The following SNTG1 variants were observed in gnomAD, a reference collection of about 807,000 sequenced individuals.
SNTG1 encodes syntrophin gamma 1, also known as gamma-1-syntrophin.
Under a neutral mutation model 74.7 loss-of-function variants are expected in SNTG1, and 39 were observed. That is an observed-to-expected ratio of 0.52 (90% CI 0.40 to 0.68). SNTG1 has a LOEUF of 0.68. SNTG1 is among the 30% of genes least tolerant of loss of function. SNTG1 has a pLI of 0.00. For missense variants in SNTG1, 685 were observed against 609.5 expected, an observed-to-expected ratio of 1.12 and a Z score of -1.30; for synonymous variants, 254 against 217.1, an observed-to-expected ratio of 1.17 and a Z score of -1.49.
intron 17 of SNTG1, among the ~76,000 whole-genome samples, chr8:50,737,417 A>G (rs142444687): frequency 0.021 from 3,198 of 152,222 alleles, 56 homozygotes; most frequent in Non-Finnish European, 0.033. Context: ...GTAGTAATTA[A>G]TAACCTACCA....
chr8:50,734,965 C>A lies in SNTG1; in HGVS notation c.1285-17036C>A, dbSNP rs56954288. On this transcript the variant is annotated intron_variant, in intron 17 of 18. Coordinates refer to ENST00000642720, the MANE Select transcript of SNTG1 (RefSeq NM_018967.5). The stretch of plus-strand genomic sequence containing the variant: ...TATATGGACATATATATCTATATAT[C>A]CATATATATCTATCCATATATATGT... 4.4e-4 allele frequency among the ~76,000 whole-genome samples: 26 copies of A among 58,850 alleles called. 3 individuals carry two copies. Among genetic ancestry groups the A allele is most frequent in the African/African-American group, 6.3e-4 (4 of 6,378 alleles). The allele number at this position is 58,850 out of a possible 152,430, so 38.6% of individuals were successfully genotyped here.
At chr8:50,349,033 C>G (rs982312889) in intron 2 of SNTG1, among the ~76,000 whole-genome samples, 5 of 152,172 alleles carry the variant, frequency 3.3e-5, no homozygotes, top group African/African-American at 7.2e-5. Context: ...CATTTTGTAT[C>G]TTCAAGAATA....
At chr8:50,271,949 G>A (rs537331695) in intron 2 of SNTG1, among the ~76,000 whole-genome samples, 1 of 152,112 alleles carries the variant, frequency 6.6e-6, no homozygotes, top group Non-Finnish European at 1.5e-5. Flanking sequence ...TCATAAAAGA[G>A]ACCCCAGGGA....
In SNTG1 at chr8:50,413,181, T is replaced by C. The variant is rs2092971016; in HGVS notation, c.162+10837T>C. Reference sequence around the variant, plus strand: ...GAATTTTTATAACATTAAATGTGAGTGTAAAGTTCAAGAGGGTTATGATCA... The same window carrying C: ...GAATTTTTATAACATTAAATGTGAGCGTAAAGTTCAAGAGGGTTATGATCA... On this transcript the variant is annotated intron_variant, in intron 4 of 18. Coordinates refer to ENST00000642720, the MANE Select transcript of SNTG1 (RefSeq NM_018967.5). 3.9e-5 allele frequency among the ~76,000 whole-genome samples: 6 copies of C among 152,146 alleles called. No homozygotes were observed. The South Asian group carries it at 1.2e-3, about 32-fold the overall frequency.
chr8:50,725,025 TATC>T (rs1223813291), intron 17 of SNTG1, among the ~76,000 whole-genome samples: 1 of 152,152 alleles, frequency 6.6e-6, no homozygotes, highest in Non-Finnish European at 1.5e-5. Context: ...GACAAATAAA[TATC>T]ATTCGGCTCA....
intron 12 of SNTG1, among the ~76,000 whole-genome samples, chr8:50,568,525 G>C (rs1286712939): frequency 6.6e-6 from 1 of 151,970 alleles, no homozygotes; most frequent in Non-Finnish European, 1.5e-5. Flanking sequence ...GATAAAAGCT[G>C]TTTTAACTGG....
intron 1 of SNTG1, among the ~76,000 whole-genome samples, chr8:50,063,091 A>G (rs946030856): frequency 1.3e-5 from 2 of 152,240 alleles, no homozygotes; most frequent in African/African-American, 4.8e-5. Context: ...GGATTGTCAC[A>G]TTGCCTTGCA....
intron 8 of SNTG1, among the ~76,000 whole-genome samples, chr8:50,484,128 CTTT>C (rs1563453317): frequency 4.4e-5 from 5 of 114,880 alleles, no homozygotes; most frequent in African/African-American, 1.4e-4. Flanking sequence ...TTCTTTCTTT[CTTT>C]CTTTCCTTCT....
intron 1 of SNTG1, among the ~76,000 whole-genome samples, chr8:50,143,186 T>A (rs751806696): frequency 6.6e-6 from 1 of 152,198 alleles, no homozygotes; most frequent in Non-Finnish European, 1.5e-5. Flanking sequence ...CCTGACAGAA[T>A]GTTCCATGTG....
intron 1 of SNTG1, among the ~76,000 whole-genome samples, chr8:50,016,697 A>T (rs1405351563): frequency 1.3e-5 from 2 of 152,186 alleles, no homozygotes; most frequent in Non-Finnish European, 2.9e-5. Context: ...TTTGTCTAAC[A>T]TAATTTCTGT....
At chr8:49,982,121 C>T (rs899243975) in intron 1 of SNTG1, among the ~76,000 whole-genome samples, 6 of 152,142 alleles carry the variant, frequency 3.9e-5, no homozygotes, top group African/African-American at 1.4e-4. Context: ...GTTAAAGATG[C>T]TTTCCTAGTT....
intron 12 of SNTG1, among the ~76,000 whole-genome samples, chr8:50,581,095 G>A (rs1366942169): frequency 6.6e-6 from 1 of 152,166 alleles, no homozygotes; most frequent in Non-Finnish European, 1.5e-5. Flanking sequence ...AACAATAGGT[G>A]CATATATAAT....
intron 1 of SNTG1, among the ~76,000 whole-genome samples, chr8:50,139,434 C>T (rs1421160116): frequency 6.6e-6 from 1 of 152,110 alleles, no homozygotes; most frequent in Non-Finnish European, 1.5e-5. Flanking sequence ...GGCTTTAACC[C>T]ATGTTGACTA....
At chr8:50,540,013 C>T (rs1031434277) in intron 11 of SNTG1, among the ~76,000 whole-genome samples, 6 of 152,002 alleles carry the variant, frequency 3.9e-5, no homozygotes, top group Non-Finnish European at 8.8e-5. Flanking sequence ...AGGAGGAAAA[C>T]CCAGGGGATT....
Position 50,217,371 on chromosome 8 carries a change from C to CTA in SNTG1, c.-28+44746_-28+44747dup, listed in dbSNP as rs201354075. On this transcript the variant is annotated intron_variant, in intron 2 of 18. Coordinates refer to ENST00000642720, the MANE Select transcript of SNTG1 (RefSeq NM_018967.5). The stretch of plus-strand genomic sequence containing the variant: ...GAAGACAGCCCAAAGGGATAAAGCA[C>CTA]TATATATATATTATATGTCAGAATC... 2.7e-3 allele frequency among the ~76,000 whole-genome samples: 406 copies of CTA among 151,828 alleles called. 2 individuals are homozygous for CTA. The highest frequency in any genetic ancestry group is 9.4e-3 in the South Asian group (45 of 4,812).
intron 12 of SNTG1, among the ~76,000 whole-genome samples, chr8:50,554,802 G>A (rs1473742135): frequency 2.0e-5 from 3 of 152,118 alleles, no homozygotes; most frequent in Non-Finnish European, 4.4e-5. Flanking sequence ...TGAGAGTAGG[G>A]AATTTGTTAC....
At chr8:50,218,289 G>T (rs547366957) in intron 2 of SNTG1, among the ~76,000 whole-genome samples, 1 of 152,146 alleles carries the variant, frequency 6.6e-6, no homozygotes, top group Admixed American at 6.5e-5. Context: ...AGCACTGTGG[G>T]TTACGCTTTG....
At chr8:50,171,204 A>G (rs2082793783) in intron 1 of SNTG1, among the ~76,000 whole-genome samples, 1 of 152,150 alleles carries the variant, frequency 6.6e-6, no homozygotes, top group Non-Finnish European at 1.5e-5. Flanking sequence ...GACAGGACTA[A>G]TAGGAAATAT....
intron 2 of SNTG1, among the ~76,000 whole-genome samples, chr8:50,258,213 C>A (rs989575435): frequency 6.6e-6 from 1 of 152,168 alleles, no homozygotes; most frequent in African/African-American, 2.4e-5. Flanking sequence ...GATCCGAAAG[C>A]AGTTTCACTG....
Sources: gnomAD v4.1 joint callset for allele counts (sites outside exome capture counted in the v4.1 genomes callset) on GRCh38, gnomAD v4.1.1 for gene constraint, MANE v1.5 for transcripts, NCBI Gene and HGNC (gene_info 2026-07-23, HGNC 2026-07-21) for gene names.